The following PCNX3 variants were observed in gnomAD, a reference collection of about 807,000 sequenced individuals.
PCNX3 encodes the protein pecanex-like protein 3.
Under a neutral mutation model 207.2 loss-of-function variants are expected in PCNX3, and 58 were observed. The observed-to-expected ratio is 0.28, with a 90% CI of 0.23 to 0.35. The LOEUF (loss-of-function observed/expected upper bound fraction) is 0.35. Among genes scored for constraint, PCNX3 ranks in the 10% least tolerant of loss-of-function variants. The pLI is 1.00. For missense variants in PCNX3, 2,410 were observed against 2,774.4 expected (o/e 0.87, Z 2.95); for synonymous variants, 1,337 against 1,183.5 (o/e 1.13, Z -2.66).
chr11:65,621,740 A>G (rs1025133760), intron 10 of PCNX3, among the ~76,000 whole-genome samples: 1 of 152,214 alleles, frequency 6.6e-6, no homozygotes, highest in Non-Finnish European at 1.5e-5. Flanking sequence ...TTGTTGAGTG[A>G]AGGATACAAC....
rs756876460 is a variant in PCNX3 at position 65,619,938 on chromosome 11, C to T, written c.2008+6C>T. 1.5e-5 allele frequency: 24 copies of T among 1,592,858 alleles called. No homozygotes were observed. The South Asian group carries it at 2.2e-4, about 15-fold the overall frequency. On this transcript the variant is annotated splice_donor_region_variant and intron_variant, in intron 8 of 34. Transcript: ENST00000355703. ...CTATTTCTACGATGAGAGCGGTGAG[C>T]CTTTCCCAAGCCCGGTGGCCCAGTG...
At chr11:65,623,346 T>G in intron 11 of PCNX3, 145 bp from the exon 12 acceptor site, 2 of 1,063,138 alleles carry the variant, frequency 1.9e-6, no homozygotes, top group East Asian at 2.9e-5. Flanking sequence ...CGTCGCAAAG[T>G]TATAGGTGTT....
intron 10 of PCNX3, among the ~76,000 whole-genome samples, chr11:65,621,331 C>T (rs1298533741): frequency 2.0e-5 from 3 of 152,158 alleles, no homozygotes; most frequent in Admixed American, 6.5e-5. Flanking sequence ...ACACTGTGCA[C>T]GTGTGGCTGC....
intron 27 of PCNX3, 31 bp from the exon 28 acceptor site, chr11:65,634,095 C>G: frequency 6.3e-7 from 1 of 1,588,508 alleles, no homozygotes; most frequent in East Asian, 2.3e-5. Flanking sequence ...GGGCCGGGAC[C>G]CCGGCCTGAC....
Position 65,636,242 on chromosome 11 carries a change from G to T in PCNX3, c.5528G>T (p.Gly1843Val). The change falls in exon 33 of 35, where the codon GGC becomes GTC. Residue 1843 changes from glycine to valine, a missense_variant. Around this residue, in one of 8 missense-constraint regions of PCNX3, gnomAD observed 59 missense variants for 83.9 expected, o/e 0.70. Transcript: ENST00000355703. ...GTGGATGATTCAGACTGTAGTGGGG[G>T]CGGTGGCCTGACCTCCCTCAGCAAT... The part of the protein sequence containing the change: ...GNVDDSDCSG[G>V]GGLTSLSNNP... 1 of 1,585,714 alleles carries T rather than the reference G, an allele frequency of 6.3e-7. No individual in the cohort carries two copies. Among genetic ancestry groups the T allele is most frequent in the Admixed American group, 1.8e-5 (1 of 55,334 alleles).
In PCNX3 at chr11:65,634,388, G is replaced by A. The variant is rs763011892; in HGVS notation, c.4701+32G>A. ...CTCCACTACCTGAGGCTGCCACCTG[G>A]GGCTGTGGGACCTGGGCTTCCCTGC... On this transcript the variant is annotated intron_variant, in intron 28 of 34. Transcript: ENST00000355703. The A allele has an allele frequency of 6.5e-6, 10 of 1,546,288 alleles. No individual in the cohort carries two copies. The East Asian group carries it at 2.2e-4, about 34-fold the overall frequency.
chr11:65,623,747 T>C, intron 12 of PCNX3, 103 bp downstream of exon 12: 1 of 1,536,770 alleles, frequency 6.5e-7, no homozygotes, highest in Non-Finnish European at 8.8e-7. Flanking sequence ...GGTAGATAAT[T>C]TGTCTAAGGT....
rs769471934 is a variant in PCNX3, at chr11:65,629,500, C to T, written c.4001-20C>T. On this transcript the variant is annotated intron_variant, in intron 25 of 34. Coordinates refer to ENST00000355703, the MANE Select transcript of PCNX3 (RefSeq NM_032223.4). ...CTAACTTGTCACTTTGTCCATTTGC[C>T]CGTCTGTTCTGGGTCTTAGGCGCTG... The T allele has an allele frequency of 3.1e-6, 5 of 1,613,178 alleles. No homozygotes were observed. The highest frequency in any genetic ancestry group is 2.2e-5 in the South Asian group (2 of 90,950).
chr11:65,622,803 A>T (rs1347897071), intron 11 of PCNX3, among the ~76,000 whole-genome samples: 2 of 151,470 alleles, frequency 1.3e-5, no homozygotes, highest in South Asian at 2.1e-4. Flanking sequence ...GGGGTTTCAC[A>T]GTGTTAGCCA....
chr11:65,636,356 G>C (rs769313898), intron 33 of PCNX3, 35 bp from the exon 34 acceptor site: 14 of 1,596,200 alleles, frequency 8.8e-6, no homozygotes, highest in African/African-American at 4.0e-5. Flanking sequence ...GTGCAGCCCA[G>C]CTGAGGCCTC....
Position 65,616,201 on chromosome 11 carries a change from C to A in PCNX3, c.-111C>A, listed in dbSNP as rs948523828. On this transcript the variant is annotated 5_prime_UTR_variant, in exon 1 of 35. Transcript: ENST00000355703. ...CCTCCCCCGCTGGGGGAGGCCATGG[C>A]GTGAGCGTGAGGCCGGGCCCCGGGG... 1.2e-6 allele frequency: 1 copy of A among 862,800 alleles called. No individual in the cohort carries two copies. Among genetic ancestry groups the A allele is most frequent in the Non-Finnish European group, 1.6e-6 (1 of 616,042 alleles). The allele number at this position is 862,800 out of a possible 1,614,324, so 53.4% of individuals were successfully genotyped here.
chr11:65,629,332 G>T, intron 24 of PCNX3, 25 bp from the exon 25 acceptor site: 1 of 1,604,396 alleles, frequency 6.2e-7, no homozygotes, highest in East Asian at 2.3e-5. Context: ...TTGGCCAACC[G>T]CCTTGTTGCA....
chr11:65,627,334 G>T, intron 21 of PCNX3, 71 bp from the exon 22 acceptor site: 2 of 1,502,070 alleles, frequency 1.3e-6, no homozygotes, highest in Non-Finnish European at 1.8e-6. Context: ...CAGAGTAGGC[G>T]AGGGATGGGA....
rs971679385 is a variant in PCNX3, at chr11:65,615,829, T to C, written c.-483T>C. 4.7e-5 allele frequency: 7 copies of C among 150,416 alleles called. No homozygotes were observed. The highest frequency in any genetic ancestry group is 7.3e-5 in the Non-Finnish European group (5 of 68,136). 9.3% of individuals were successfully genotyped at this position (150,416 alleles called of 1,614,324 possible). ...CGGCTCCTTCTTCCGGCCTCCTCCT[T>C]AGGCCGGCACCAGCAGAAGCCGGGC... On this transcript the variant is annotated 5_prime_UTR_variant, in exon 1 of 35. The change abolishes the stop of an existing upstream ORF in the 5' untranslated region. Transcript: ENST00000355703.
At position 65,625,464 on chromosome 11, in the gene PCNX3, G is replaced by A. The variant is rs1319427009; in HGVS notation, c.3089G>A (p.Arg1030Gln). The A allele has an allele frequency of 5.0e-6, 8 of 1,605,954 alleles. No homozygotes were observed. Among genetic ancestry groups the A allele is most frequent in the South Asian group, 2.2e-5 (2 of 91,052 alleles). ...GAGGAGCGCAGCTTGGAGACAGCCC[G>A]GGCCGAGCCCCCGGACCCCTTGCCG... ...ELEERSLETA[R>Q]AEPPDPLPDK... The change falls in exon 18 of 35, where the codon CGG becomes CAG. Residue 1030 changes from arginine (R) to glutamine (Q), a missense_variant. By Grantham distance (43) the Arg-to-Gln change is conservative. Around this residue, in one of 8 missense-constraint regions of PCNX3, gnomAD observed 333 missense variants for 386.8 expected, o/e 0.86. Transcript: ENST00000355703. The surrounding 1 kb of genome is among the most constrained non-coding windows in gnomAD (Gnocchi z 5.6).
intron 27 of PCNX3, among the ~76,000 whole-genome samples, chr11:65,632,104 C>G (rs79263515): frequency 6.6e-6 from 1 of 152,022 alleles, no homozygotes; most frequent in South Asian, 2.1e-4. Context: ...CCCTGCTGTG[C>G]CTGCTAGGCT....
rs567269030 is a variant in PCNX3 at position 65,618,146 on chromosome 11, G to T, written c.784G>T (p.Ala262Ser). ...SFLTLTQPDR[A>S]LVRTSSRREQ... ...CCTGACCCTGACCCAGCCTGACCGG[G>T]CCCTGGTGAGGACCAGCAGTCGACG... The change falls in exon 6 of 35, where the codon GCC becomes TCC. Residue 262 changes from alanine (A) to serine (S), a missense_variant. Transcript: ENST00000355703. 15 of 1,609,960 alleles carry T rather than the reference G, an allele frequency of 9.3e-6. No homozygotes were observed. In the East Asian group the frequency reaches 2.9e-4, roughly 31 times the overall value.
chr11:65,629,826 C>T, intron 26 of PCNX3, 91 bp downstream of exon 26: 2 of 1,365,610 alleles, frequency 1.5e-6, no homozygotes, highest in Non-Finnish European at 2.0e-6. Flanking sequence ...GAGGTCCAGT[C>T]CAGCTCTGTC....
chr11:65,626,152 G>C, intron 20 of PCNX3, 98 bp downstream of exon 20: 4 of 1,472,668 alleles, frequency 2.7e-6, no homozygotes, highest in Non-Finnish European at 2.8e-6. Context: ...GTGCCAGCAG[G>C]GGGCACTCGC....
Sources: allele counts gnomAD v4.1 joint callset (sites outside exome capture counted in the v4.1 genomes callset), GRCh38; gene constraint gnomAD v4.1.1; regional missense constraint gnomAD v4.1.1; non-coding constraint Gnocchi (gnomAD v3.1); transcripts MANE v1.5; gene names NCBI Gene and HGNC (gene_info 2026-07-23, HGNC 2026-07-21).